SYT10: variants seen among roughly 807,000 people sequenced by gnomAD.
The protein encoded by SYT10 is synaptotagmin 10.
In SYT10, 31 loss-of-function variants were observed where a neutral mutation model predicts 51.1. The observed-to-expected ratio is 0.61, with a 90% CI of 0.46 to 0.82. SYT10 has a LOEUF of 0.82. SYT10 is among the 40% of genes least tolerant of loss of function. The probability of loss-of-function intolerance (pLI) is 0.00; values close to 1 mark genes in which losing one functional copy is unlikely to be tolerated. For synonymous variants in SYT10, 233 were observed against 225.9 expected (o/e 1.03, Z -0.28); for missense variants, 603 against 634.0 (o/e 0.95, Z 0.53).
chr12:33,413,746 C>T (rs1485399421), intron 2 of SYT10, among the ~76,000 whole-genome samples: 1 of 152,144 alleles, frequency 6.6e-6, no homozygotes, highest in Non-Finnish European at 1.5e-5. Context: ...ATTGTGAAGA[C>T]CTTCAAGGCT....
chr12:33,406,409 TAAA>T (rs1484802812), intron 3 of SYT10, among the ~76,000 whole-genome samples: 1 of 152,114 alleles, frequency 6.6e-6, no homozygotes, highest in Non-Finnish European at 1.5e-5. Context: ...TCATTATTCT[TAAA>T]GAGTGAAATA....
chr12:33,393,619 A>T (rs1374474932), intron 3 of SYT10, among the ~76,000 whole-genome samples: 1 of 150,884 alleles, frequency 6.6e-6, no homozygotes, highest in African/African-American at 2.4e-5. Flanking sequence ...ATTGATTCTA[A>T]GGGAGTCTAT....
intron 2 of SYT10, among the ~76,000 whole-genome samples, chr12:33,409,779 C>T (rs1180757001): frequency 6.6e-6 from 1 of 152,080 alleles, no homozygotes; most frequent in Non-Finnish European, 1.5e-5. Flanking sequence ...TAGTGACCAT[C>T]CATAAGTGAG....
chr12:33,401,464 C>T (rs1050369247), intron 3 of SYT10, among the ~76,000 whole-genome samples: 1 of 152,092 alleles, frequency 6.6e-6, no homozygotes, highest in African/African-American at 2.4e-5. Flanking sequence ...TTTATTGTTT[C>T]TTTTGTCAGT....
At chr12:33,392,439 C>T (rs748368822) in intron 3 of SYT10, among the ~76,000 whole-genome samples, 5 of 152,102 alleles carry the variant, frequency 3.3e-5, no homozygotes, top group Non-Finnish European at 7.3e-5. Flanking sequence ...TTGCACAACA[C>T]GCCCTCCCTG....
intron 2 of SYT10, among the ~76,000 whole-genome samples, chr12:33,419,904 T>G (rs1866487280): frequency 6.6e-6 from 1 of 152,160 alleles, no homozygotes; most frequent in African/African-American, 2.4e-5. Flanking sequence ...GTCAAAATAA[T>G]AAATCCAAGA....
At chr12:33,439,060 C>A (rs1337374963) in intron 1 of SYT10, among the ~76,000 whole-genome samples, 1 of 152,252 alleles carries the variant, frequency 6.6e-6, no homozygotes, top group African/African-American at 2.4e-5. Flanking sequence ...CTTCTCCACT[C>A]CGGGAGGGAG....
intron 6 of SYT10, among the ~76,000 whole-genome samples, chr12:33,378,101 T>C (rs1186492339): frequency 6.6e-6 from 1 of 152,234 alleles, no homozygotes; most frequent in African/African-American, 2.4e-5. Context: ...CTAGTCCGTA[T>C]ATTCTGTTTG....
chr12:33,392,402 C>T (rs143327333), intron 3 of SYT10, among the ~76,000 whole-genome samples: 113 of 152,200 alleles, frequency 7.4e-4, no homozygotes, highest in African/African-American at 2.3e-3. Flanking sequence ...GCCCACTTTC[C>T]CCTTTTCCTT....
At chr12:33,430,996 C>T (rs1156541361) in intron 1 of SYT10, among the ~76,000 whole-genome samples, 6 of 152,008 alleles carry the variant, frequency 3.9e-5, no homozygotes, top group Admixed American at 2.0e-4. Context: ...TGAGACTGTC[C>T]CAGCATAAAC....
chr12:33,383,593 T>C lies in SYT10; in HGVS notation c.1199-1073A>G, dbSNP rs138264496. On this transcript the variant is annotated intron_variant, in intron 4 of 6. Transcript: ENST00000228567. The stretch of plus-strand genomic sequence containing the variant: ...AAATTTTTAAATAATATGAAGTATG[T>C]CCTAAGGAGAAGCTCATTTCTGTGA... Among the ~76,000 whole-genome samples the C allele has an allele frequency of 1.9e-3, 296 of 152,274 alleles. 1 individual carries two copies. Among genetic ancestry groups the C allele is most frequent in the African/African-American group, 6.6e-3 (276 of 41,546 alleles).
In SYT10 at chr12:33,382,371, TG is replaced by T; in HGVS notation, c.1347del (p.Ile450LeufsTer9). ...TACCTATCGTAATCCATGACCGCAA[TG>T]GAGAGGCTGACCTGGTCCACGTTCT... ...PPENVDQVSL[S>X]IAVMDYDRVG... On this transcript the variant is annotated frameshift_variant, in exon 5 of 7. Transcript: ENST00000228567. LOFTEE classifies it high-confidence loss of function. 6.2e-7 allele frequency: 1 copy of T among 1,609,072 alleles called. No individual in the cohort carries two copies. The highest frequency in any genetic ancestry group is 1.1e-5 in the South Asian group (1 of 90,332).
At chr12:33,419,587 C>T (rs764752882) in intron 2 of SYT10, among the ~76,000 whole-genome samples, 8 of 151,962 alleles carry the variant, frequency 5.3e-5, no homozygotes, top group Non-Finnish European at 1.2e-4. Flanking sequence ...AACTTAAAAC[C>T]TTCAGATTAT....
At chr12:33,409,867 T>A (rs1323554722) in intron 2 of SYT10, among the ~76,000 whole-genome samples, 1 of 151,930 alleles carries the variant, frequency 6.6e-6, no homozygotes, top group African/African-American at 2.4e-5. Context: ...AGTTGAAGAA[T>A]AGGGTAAAGA....
intron 2 of SYT10, among the ~76,000 whole-genome samples, chr12:33,418,369 C>T (rs1866473342): frequency 6.6e-6 from 1 of 152,092 alleles, no homozygotes; most frequent in African/African-American, 2.4e-5. Flanking sequence ...TTCTTTTTCC[C>T]ATCTACTCTC....
At chr12:33,411,618 A>G (rs1866405833) in intron 2 of SYT10, among the ~76,000 whole-genome samples, 1 of 152,212 alleles carries the variant, frequency 6.6e-6, no homozygotes, top group Non-Finnish European at 1.5e-5. Context: ...ACATACTAGA[A>G]CTACTTTATC....
chr12:33,379,707 A>C, intron 6 of SYT10, 125 bp downstream of exon 6: 1 of 1,311,176 alleles, frequency 7.6e-7, no homozygotes, highest in South Asian at 1.6e-5. Context: ...AAAAGCAAGA[A>C]CAATCTTTTC....
At chr12:33,420,267 T>G (rs1866490938) in intron 2 of SYT10, among the ~76,000 whole-genome samples, 1 of 152,226 alleles carries the variant, frequency 6.6e-6, no homozygotes, top group African/African-American at 2.4e-5. Context: ...ATTCATCTTT[T>G]AATGTATTTC....
At chr12:33,393,942 A>G (rs1381765037) in intron 3 of SYT10, among the ~76,000 whole-genome samples, 1 of 152,240 alleles carries the variant, frequency 6.6e-6, no homozygotes, top group Non-Finnish European at 1.5e-5. Context: ...TAGAAAAGGA[A>G]CACTTTATGT....
Sources: allele counts gnomAD v4.1 joint callset (sites outside exome capture counted in the v4.1 genomes callset), GRCh38; gene constraint gnomAD v4.1.1; transcripts MANE v1.5; gene names NCBI Gene and HGNC (gene_info 2026-07-23, HGNC 2026-07-21).